The following ALDH3B2 variants were observed in gnomAD, a reference collection of about 807,000 sequenced individuals.
The protein encoded by ALDH3B2 is aldehyde dehydrogenase 3 family member B2.
In ALDH3B2, 45 loss-of-function variants were observed where a neutral mutation model predicts 36.7. The ratio of observed to expected loss-of-function variants is 1.23; its 90% CI spans 0.97 to 1.57. ALDH3B2 has a LOEUF of 1.57. Among genes scored for constraint, ALDH3B2 ranks in the 40% most tolerant of loss-of-function variants. The pLI is 0.00. For synonymous variants in ALDH3B2, 217 were observed against 226.5 expected, an observed-to-expected ratio of 0.96 and a Z score of 0.38; for missense variants, 464 against 513.3, an observed-to-expected ratio of 0.90 and a Z score of 0.93.
Position 67,663,764 on chromosome 11 carries a change from G to T in ALDH3B2, c.874-3C>A, listed in dbSNP as rs200921334. The T allele has an allele frequency of 4.4e-6, 7 of 1,608,670 alleles. No individual in the cohort carries two copies. The highest frequency in any genetic ancestry group is 4.5e-5 in the East Asian group (2 of 44,632). On this transcript the variant is annotated splice_polypyrimidine_tract_variant and splice_region_variant and intron_variant, in intron 8 of 9. Coordinates refer to ENST00000349015, the Ensembl canonical transcript of ALDH3B2. ...CGCTCCAGCATCTGGTTCACAACCT[G>T]CCAGGGAGTGAGAAGGTGGGTGTTG... is the stretch of plus-strand genomic sequence containing the variant.
rs76053964 is a variant in ALDH3B2, at chr11:67,670,666, C to T, written c.-244-3031G>A. 1.3e-4 allele frequency among the ~76,000 whole-genome samples: 20 copies of T among 152,284 alleles called. 1 individual carries two copies. Among genetic ancestry groups the T allele is most frequent in the African/African-American group, 4.3e-4 (18 of 41,538 alleles). On this transcript the variant is annotated intron_variant, in intron 1 of 9. Coordinates refer to ENST00000349015, the Ensembl canonical transcript of ALDH3B2. ...CAAGATGAGGAGAGCAGCCCCTGCCCGGCTCAGGTCCCAGCTGAAGAATGT... is the reference window on the plus strand; with the variant it reads ...CAAGATGAGGAGAGCAGCCCCTGCCTGGCTCAGGTCCCAGCTGAAGAATGT...
rs184650566 is a variant in ALDH3B2 at position 67,666,722 on chromosome 11, C to T, written c.31-28G>A. The T allele has an allele frequency of 1.3e-3, 2,105 of 1,613,164 alleles. 24 individuals carry two copies. In the African/African-American group the frequency reaches 0.024, roughly 18 times the overall value. The stretch of plus-strand genomic sequence containing the variant: ...GAGGCACAGGGTAGACAGTGAGGCC[C>T]TGCCAAGGGCCACCCCAAAGCCCAC... On this transcript the variant is annotated intron_variant, in intron 3 of 9. Transcript: ENST00000349015.
rs55982998 is a variant in ALDH3B2 at position 67,671,546 on chromosome 11, C to G, written c.-245+2891G>C. On this transcript the variant is annotated intron_variant, in intron 1 of 9. Coordinates refer to ENST00000349015, the Ensembl canonical transcript of ALDH3B2. Reference sequence around the variant, plus strand: ...TGATCAGGGCCAACCTGCCTCCCCCCCCTTTTTTTTTTTTTTTGGAACGGA... The same window carrying G: ...TGATCAGGGCCAACCTGCCTCCCCCGCCTTTTTTTTTTTTTTTGGAACGGA... Among the ~76,000 whole-genome samples, 9 of 100,628 alleles carry G rather than the reference C, an allele frequency of 8.9e-5. No homozygotes were observed. In the South Asian group the frequency reaches 2.4e-3, roughly 27 times the overall value. 66.0% of individuals were successfully genotyped at this position (100,628 alleles called of 152,430 possible). A position where few individuals can be genotyped will look rare whatever the true frequency, so the allele number is the denominator to read the frequency against.
chr11:67,676,139 C>T (rs953930500), upstream of ALDH3B2, among the ~76,000 whole-genome samples: 23 of 151,982 alleles, frequency 1.5e-4, no homozygotes, highest in African/African-American at 5.1e-4. Flanking sequence ...CCCAGCTACT[C>T]GGGAGGCTGA....
chr11:67,679,530 A>T (rs891522273), upstream of ALDH3B2, among the ~76,000 whole-genome samples: 1 of 152,150 alleles, frequency 6.6e-6, no homozygotes, highest in East Asian at 1.9e-4. Context: ...CTGTAATCCC[A>T]GCAGTTTGGG....
chr11:67,669,566 CTGTG>C (rs1212987564), intron 1 of ALDH3B2, among the ~76,000 whole-genome samples: 2 of 137,490 alleles, frequency 1.5e-5, no homozygotes, highest in African/African-American at 2.8e-5. Context: ...GTCTGTGTGT[CTGTG>C]TGTCTGTGTG....
At chr11:67,665,361 G>T (rs369226876) in exon 7 of ALDH3B2, 9 of 1,613,596 alleles carry the variant, frequency 5.6e-6, no homozygotes, top group Middle Eastern at 1.6e-4. Context: ...GCAGCCGCTG[G>T]AACTGTTTCT....
At chr11:67,666,726 C>T in intron 3 of ALDH3B2, 32 bp from the exon 4 acceptor site, 2 of 1,612,932 alleles carry the variant, frequency 1.2e-6, no homozygotes, top group Non-Finnish European at 1.7e-6. Context: ...GAGGCCCTGC[C>T]AAGGGCCACC....
At chr11:67,669,866 C>G (rs1166943670) in intron 1 of ALDH3B2, among the ~76,000 whole-genome samples, 1 of 110,114 alleles carries the variant, frequency 9.1e-6, no homozygotes, top group Non-Finnish European at 1.8e-5. Flanking sequence ...CCACGTGTGT[C>G]TGTGTGTGTA....
rs1855813160 is a variant in ALDH3B2 at position 67,663,653 on chromosome 11, G to A, written c.973+9C>T. The stretch of plus-strand genomic sequence containing the variant: ...GCTTCCCTAGGGGTGGAAATGGGCA[G>A]GGACCCACCGACTCCCCCGAATGGC... On this transcript the variant is annotated intron_variant, in intron 9 of 9. Transcript: ENST00000349015. The A allele has an allele frequency of 6.2e-7, 1 of 1,606,386 alleles. No homozygotes were observed. Among genetic ancestry groups the A allele is most frequent in the South Asian group, 1.1e-5 (1 of 90,670 alleles).
chr11:67,676,878 T>C (rs191465228), upstream of ALDH3B2, among the ~76,000 whole-genome samples: 66 of 151,700 alleles, frequency 4.4e-4, no homozygotes, highest in African/African-American at 1.5e-3. Flanking sequence ...CCTGGAAAAA[T>C]ACAACCCCCC....
chr11:67,671,520 C>G (rs1856110993), intron 1 of ALDH3B2, among the ~76,000 whole-genome samples: 1 of 147,798 alleles, frequency 6.8e-6, no homozygotes, highest in Non-Finnish European at 1.5e-5. Context: ...AAGCTGGAAA[C>G]TGATCAGGGC....
At chr11:67,679,249 C>G (rs1856325293), upstream of ALDH3B2, among the ~76,000 whole-genome samples, 1 of 152,122 alleles carries the variant, frequency 6.6e-6, no homozygotes, top group Non-Finnish European at 1.5e-5. Context: ...GGACGGATCA[C>G]TTGAGGTCAG....
chr11:67,669,667 GGT>G (rs1360918804), intron 1 of ALDH3B2, among the ~76,000 whole-genome samples: 4 of 128,668 alleles, frequency 3.1e-5, no homozygotes, highest in South Asian at 2.7e-4. Context: ...TGTGTGTATG[GGT>G]GTGTCTGTAT....
intron 7 of ALDH3B2, 100 bp from the exon 8 acceptor site, chr11:67,664,662 C>G: frequency 2.0e-6 from 3 of 1,487,234 alleles, no homozygotes; most frequent in Non-Finnish European, 2.7e-6. Context: ...GGGCTCCAGG[C>G]CAGGATCCCA....
chr11:67,664,556 G>A (rs556949146), exon 8 of ALDH3B2: 32 of 1,613,150 alleles, frequency 2.0e-5, no homozygotes, highest in East Asian at 1.6e-4. Context: ...CACCAGCACC[G>A]TGGGGGCTGC....
intron 6 of ALDH3B2, 32 bp from the exon 7 acceptor site, chr11:67,665,703 C>A (rs372175374): frequency 6.3e-7 from 1 of 1,579,116 alleles, no homozygotes; most frequent in Non-Finnish European, 8.6e-7. Context: ...AGTGGCCAGT[C>A]AGTGACCTGG....
chr11:67,664,293 A>T (rs555702651), intron 8 of ALDH3B2, 103 bp downstream of exon 8: 306 of 1,553,338 alleles, frequency 2.0e-4, no homozygotes, highest in Non-Finnish European at 2.6e-4. Context: ...CCCTTGAGGC[A>T]TCTGCTGCTC....
exon 7 of ALDH3B2, chr11:67,665,370 C>G (rs751266955): frequency 6.2e-7 from 1 of 1,613,970 alleles, no homozygotes. Flanking sequence ...GGAACTGTTT[C>G]TGGTTGATGA....
Sources: gnomAD v4.1 joint callset for allele counts (sites outside exome capture counted in the v4.1 genomes callset) on GRCh38, gnomAD v4.1.1 for gene constraint, MANE v1.5 for transcripts, NCBI Gene and HGNC (gene_info 2026-07-23, HGNC 2026-07-21) for gene names.